PRR5L: variants seen among roughly 807,000 people sequenced by gnomAD.
PRR5L encodes proline rich 5 like.
In PRR5L, 21 loss-of-function variants were observed where a neutral mutation model predicts 36.4. The ratio of observed to expected loss-of-function variants is 0.58; its 90% CI spans 0.41 to 0.83. The LOEUF is 0.83. PRR5L is among the 40% of genes least tolerant of loss of function. PRR5L has a pLI of 0.00. For missense variants in PRR5L, 381 were observed against 473.3 expected (o/e 0.80, Z 1.81); for synonymous variants, 188 against 197.0 (o/e 0.95, Z 0.38).
intron 4 of PRR5L, among the ~76,000 whole-genome samples, chr11:36,423,121 T>C (rs998165081): frequency 1.3e-5 from 2 of 152,172 alleles, no homozygotes; most frequent in Admixed American, 6.5e-5. Context: ...TTGCTTGATA[T>C]AGAAACTCAG....
intron 1 of PRR5L, among the ~76,000 whole-genome samples, chr11:36,320,727 C>T (rs766091116): frequency 1.3e-5 from 2 of 152,202 alleles, no homozygotes; most frequent in African/African-American, 4.8e-5. Context: ...ATGATCAGGA[C>T]TCAATCTTTG....
At chr11:36,310,995 C>CAAAAAAA (rs59947428) in intron 1 of PRR5L, among the ~76,000 whole-genome samples, 2 of 88,424 alleles carry the variant, frequency 2.3e-5, no homozygotes, top group African/African-American at 9.8e-5. Flanking sequence ...ACTCCGTCTC[C>CAAAAAAA]AAAAAAAAAA....
intron 4 of PRR5L, among the ~76,000 whole-genome samples, chr11:36,421,109 A>T (rs2554021): frequency 0.016 from 2,501 of 152,208 alleles, 52 homozygotes; most frequent in African/African-American, 0.038. Flanking sequence ...GATTTTTTTT[A>T]AAGCTAACTA....
intron 1 of PRR5L, among the ~76,000 whole-genome samples, chr11:36,310,800 C>T (rs946818390): frequency 1.3e-5 from 2 of 151,948 alleles, no homozygotes; most frequent in East Asian, 3.9e-4. Context: ...AGATTGAGAC[C>T]ATCCTGGCGA....
chr11:36,332,970 C>T (rs139598041), intron 1 of PRR5L, among the ~76,000 whole-genome samples: 27 of 152,134 alleles, frequency 1.8e-4, no homozygotes, highest in Middle Eastern at 3.4e-3. Context: ...ACTAATAAAC[C>T]ATTCATTTTT....
intron 8 of PRR5L, chr11:36,453,924 G>C (rs1468788966): frequency 6.6e-6 from 1 of 152,574 alleles, no homozygotes; most frequent in Non-Finnish European, 1.5e-5. Flanking sequence ...AGGACAGGAG[G>C]TGAGCAAGAG....
intron 1 of PRR5L, among the ~76,000 whole-genome samples, chr11:36,399,104 T>C (rs1564936218): frequency 6.6e-6 from 1 of 152,198 alleles, no homozygotes. Flanking sequence ...TATTTCTTCA[T>C]CACCTCATTT....
intron 1 of PRR5L, among the ~76,000 whole-genome samples, chr11:36,395,590 A>AAT (rs1857642480): frequency 2.0e-5 from 3 of 152,166 alleles, no homozygotes; most frequent in Non-Finnish European, 4.4e-5. Context: ...TTTGTTATAG[A>AAT]GTTATGTGAA....
chr11:36,310,130 A>G (rs367753015), intron 1 of PRR5L, among the ~76,000 whole-genome samples: 1 of 152,060 alleles, frequency 6.6e-6, no homozygotes, highest in Non-Finnish European at 1.5e-5. Context: ...TACAAATGGT[A>G]CCCCAATTTA....
intron 1 of PRR5L, among the ~76,000 whole-genome samples, chr11:36,302,960 A>G (rs1856392877): frequency 6.6e-6 from 1 of 152,210 alleles, no homozygotes; most frequent in African/African-American, 2.4e-5. Flanking sequence ...AAGCCAGCCA[A>G]GGCACAGAAG....
chr11:36,336,847 A>C (rs533388470), intron 1 of PRR5L, among the ~76,000 whole-genome samples: 7 of 151,988 alleles, frequency 4.6e-5, no homozygotes, highest in Non-Finnish European at 1.0e-4. Flanking sequence ...AAATTATCTC[A>C]TATCATTATT....
intron 5 of PRR5L, 94 bp from the exon 6 acceptor site, chr11:36,437,291 A>G: frequency 2.3e-6 from 2 of 886,606 alleles, no homozygotes; most frequent in East Asian, 2.4e-5. Context: ...GTGCAGCTTG[A>G]CATTTTATGT....
chr11:36,408,052 T>C lies in PRR5L; in HGVS notation c.245+4674T>C, dbSNP rs192810782. On this transcript the variant is annotated intron_variant, in intron 3 of 8. Transcript: ENST00000530639. ...ACTTTGAGAGGCCAAGGCAGGTGGA[T>C]CACCTGAGGTCAGGAGTTTGAGACC... Among the ~76,000 whole-genome samples, 792 of 152,252 alleles carry C rather than the reference T, an allele frequency of 5.2e-3. 1 individual carries two copies. Among genetic ancestry groups the C allele is most frequent in the Non-Finnish European group, 8.1e-3 (554 of 68,014 alleles).
chr11:36,400,896 A>G (rs1857777825), intron 1 of PRR5L, 101 bp from the exon 2 acceptor site: 1 of 896,912 alleles, frequency 1.1e-6, no homozygotes, highest in Non-Finnish European at 1.6e-6. Context: ...TGGGTCCCGC[A>G]GTTGTTTTCG....
At chr11:36,335,117 T>C (rs2133475368) in intron 1 of PRR5L, among the ~76,000 whole-genome samples, 1 of 152,310 alleles carries the variant, frequency 6.6e-6, no homozygotes, top group South Asian at 2.1e-4. Context: ...GACAGAGTCT[T>C]ACTCTGTGGC....
At chr11:36,450,297 T>C (rs1858917257) in intron 7 of PRR5L, among the ~76,000 whole-genome samples, 1 of 152,226 alleles carries the variant, frequency 6.6e-6, no homozygotes, top group Non-Finnish European at 1.5e-5. Flanking sequence ...AGAATTTGCA[T>C]GTTAACCCCT....
At chr11:36,426,607 G>T (rs560235103) in intron 4 of PRR5L, among the ~76,000 whole-genome samples, 18 of 152,348 alleles carry the variant, frequency 1.2e-4, no homozygotes, top group African/African-American at 4.3e-4. Flanking sequence ...CAACCTTGGT[G>T]CAAAGTCTGG....
At chr11:36,426,349 G>A (rs1185141472) in intron 4 of PRR5L, among the ~76,000 whole-genome samples, 1 of 152,164 alleles carries the variant, frequency 6.6e-6, no homozygotes, top group Non-Finnish European at 1.5e-5. Context: ...TACTTTGTTA[G>A]AACACTTACC....
At chr11:36,388,684 T>TCGG (rs770518143) in intron 1 of PRR5L, among the ~76,000 whole-genome samples, 90 of 146,354 alleles carry the variant, frequency 6.1e-4, no homozygotes, top group Non-Finnish European at 1.2e-3. Flanking sequence ...TCATTCAAGG[T>TCGG]CGGCTCTTTC....
Sources: allele counts gnomAD v4.1 joint callset (sites outside exome capture counted in the v4.1 genomes callset), GRCh38; gene constraint gnomAD v4.1.1; transcripts MANE v1.5; gene names NCBI Gene and HGNC (gene_info 2026-07-23, HGNC 2026-07-21).